The following EXD3 variants were observed in gnomAD, a reference collection of about 807,000 sequenced individuals.
EXD3 encodes the protein exonuclease mut-7 homolog.
A neutral mutation model predicts 98.0 loss-of-function variants in EXD3; 92 were observed. The observed-to-expected ratio is 0.94, with a 90% CI of 0.79 to 1.12. EXD3 has a LOEUF of 1.12. Ranked by LOEUF, EXD3 falls within the 50% of genes most tolerant of loss-of-function variation. The pLI, the probability that EXD3 is intolerant of heterozygous loss-of-function variation, is 0.00. For missense variants in EXD3, 1,222 were observed against 1,191.6 expected, an observed-to-expected ratio of 1.03 and a Z score of -0.38; for synonymous variants, 569 against 526.0, an observed-to-expected ratio of 1.08 and a Z score of -1.12.
Position 137,313,650 on chromosome 9 carries a change from C to T in EXD3, c.2185-3950G>A, listed in dbSNP as rs1225969777. ...GGGGGGTGTGGCAGGTGGGGTCCGT[C>T]GGGCTGGGGCCCTGGCCTGGGTGGA... On this transcript the variant is annotated intron_variant, in intron 19 of 21. Transcript: ENST00000340951. Among the ~76,000 whole-genome samples the T allele has an allele frequency of 2.0e-5, 3 of 152,112 alleles. No homozygotes were observed. The East Asian group carries it at 5.8e-4, about 29-fold the overall frequency.
At position 137,359,221 on chromosome 9, in the gene EXD3, G is replaced by A. The variant is rs1383320123; in HGVS notation, c.657-2853C>T. Among the ~76,000 whole-genome samples, 3 of 82,778 alleles carry A rather than the reference G, an allele frequency of 3.6e-5. 1 individual carries two copies. The highest frequency in any genetic ancestry group is 1.0e-4 in the African/African-American group (3 of 30,042). 54.3% of individuals were successfully genotyped at this position (82,778 alleles called of 152,430 possible). A position where few individuals can be genotyped will look rare whatever the true frequency, so the allele number is the denominator to read the frequency against. On this transcript the variant is annotated intron_variant, in intron 7 of 21. Coordinates refer to ENST00000340951, the MANE Select transcript of EXD3 (RefSeq NM_017820.5). Reference sequence around the variant, plus strand: ...CCTGACCTCATGATCTGCCTGCCTCGGCCTCCCAAAGTGCTGGGATTACAG... The same window carrying A: ...CCTGACCTCATGATCTGCCTGCCTCAGCCTCCCAAAGTGCTGGGATTACAG...
chr9:137,330,865 G>A (rs962092101), intron 17 of EXD3, among the ~76,000 whole-genome samples: 2 of 152,182 alleles, frequency 1.3e-5, no homozygotes, highest in Admixed American at 6.6e-5. Flanking sequence ...GGTCTGCCAT[G>A]CAACAAGTGG....
Position 137,388,855 on chromosome 9 carries a change from C to T in EXD3, c.56-5478G>A, listed in dbSNP as rs532527662. On this transcript the variant is annotated intron_variant, in intron 2 of 21. Coordinates refer to ENST00000340951, the MANE Select transcript of EXD3 (RefSeq NM_017820.5). ...GAGCCCGGCCGCCCAGACCAGACCC[C>T]ACGCGCTGTGGTGACCTGCATGTCC... Among the ~76,000 whole-genome samples, 467 of 152,322 alleles carry T rather than the reference C, an allele frequency of 3.1e-3. 2 individuals carry two copies. Among genetic ancestry groups the T allele is most frequent in the African/African-American group, 9.0e-3 (374 of 41,574 alleles).
chr9:137,310,419 A>C (rs1831298814), intron 19 of EXD3, among the ~76,000 whole-genome samples: 1 of 152,094 alleles, frequency 6.6e-6, no homozygotes. Context: ...CGTAGAGATG[A>C]GGTCTCACGA....
At chr9:137,345,221 CTTTCT>C (rs1833856397) in intron 17 of EXD3, among the ~76,000 whole-genome samples, 1 of 152,384 alleles carries the variant, frequency 6.6e-6, no homozygotes, top group African/African-American at 2.4e-5. Context: ...GCCCGGAATG[CTTTCT>C]TTCCTTTTCC....
In EXD3 at chr9:137,385,361, C is replaced by T. The variant is rs907816887; in HGVS notation, c.56-1984G>A. Among the ~76,000 whole-genome samples the T allele has an allele frequency of 6.6e-6, 1 of 151,944 alleles. No individual in the cohort carries two copies. The highest frequency in any genetic ancestry group is 1.5e-5 in the Non-Finnish European group (1 of 67,986). Reference sequence around the variant, plus strand: ...GGCCATGGCAGGCAGTGTGACTGGCCCCGCATTCTGGGTGCTGCATGCTGG... The same window carrying T: ...GGCCATGGCAGGCAGTGTGACTGGCTCCGCATTCTGGGTGCTGCATGCTGG... On this transcript the variant is annotated intron_variant, in intron 2 of 21. Transcript: ENST00000340951. This position sits in a 1 kb window ranked among gnomAD's most constrained non-coding sequence, Gnocchi z 4.4.
In EXD3 at chr9:137,398,990, G is replaced by A. The variant is rs151238161; in HGVS notation, c.-47-3586C>T. On this transcript the variant is annotated intron_variant, in intron 1 of 21. Coordinates refer to ENST00000340951, the MANE Select transcript of EXD3 (RefSeq NM_017820.5). ...GACACACAGGCAACCATGTCCCCGT[G>A]ACACGCGTCCAACATCCTCGTAACA... 6.4e-3 allele frequency among the ~76,000 whole-genome samples: 976 copies of A among 152,144 alleles called. 6 individuals are homozygous for A. The highest frequency in any genetic ancestry group is 0.031 in the Middle Eastern group (9 of 294).
At position 137,324,749 on chromosome 9, in the gene EXD3, G is replaced by C. The variant is rs1057016555; in HGVS notation, c.1999-606C>G. Among the ~76,000 whole-genome samples, 3 of 152,190 alleles carry C rather than the reference G, an allele frequency of 2.0e-5. No homozygotes were observed. The highest frequency in any genetic ancestry group is 7.2e-5 in the African/African-American group (3 of 41,444). On this transcript the variant is annotated intron_variant, in intron 17 of 21. Coordinates refer to ENST00000340951, the MANE Select transcript of EXD3 (RefSeq NM_017820.5). The surrounding 1 kb of genome is among the most constrained non-coding windows in gnomAD (Gnocchi z 4.1). ...GCTCTTTCGCCCAGGCCGGAGTGCA[G>C]TGGCGCTGTCTTGGCTCACTGCAAG... is the stretch of plus-strand genomic sequence containing the variant.
intron 8 of EXD3, among the ~76,000 whole-genome samples, 186 bp from the exon 9 acceptor site, chr9:137,354,959 G>T (rs1834543388): frequency 6.6e-6 from 1 of 152,186 alleles, no homozygotes. Flanking sequence ...TCAGCCTGGG[G>T]GTCCCGCCGG....
chr9:137,320,572 G>C (rs933615066), intron 19 of EXD3, among the ~76,000 whole-genome samples: 1 of 152,182 alleles, frequency 6.6e-6, no homozygotes, highest in Non-Finnish European at 1.5e-5. Flanking sequence ...GGAGCTGCCA[G>C]TAGCCAGCAA....
intron 10 of EXD3, chr9:137,353,492 C>T: frequency 1.0e-6 from 1 of 985,360 alleles, no homozygotes; most frequent in Non-Finnish European, 1.2e-6. Context: ...TATTGGGCAC[C>T]CATTCACCCA....
Position 137,395,828 on chromosome 9 carries a change from A to T in EXD3, c.-47-424T>A, listed in dbSNP as rs1196300162. Among the ~76,000 whole-genome samples, 2 of 152,196 alleles carry T rather than the reference A, an allele frequency of 1.3e-5. No individual in the cohort carries two copies. The highest frequency in any genetic ancestry group is 2.9e-5 in the Non-Finnish European group (2 of 68,006). On this transcript the variant is annotated intron_variant, in intron 1 of 21. Coordinates refer to ENST00000340951, the MANE Select transcript of EXD3 (RefSeq NM_017820.5). This position sits in a 1 kb window ranked among gnomAD's most constrained non-coding sequence, Gnocchi z 6.5. ...TCCTCCAGAGGGCAAGGGCGCCTGCAGGACCAGGGACCTCGGAGTGACGCC... is the reference window on the plus strand; with the variant it reads ...TCCTCCAGAGGGCAAGGGCGCCTGCTGGACCAGGGACCTCGGAGTGACGCC...
chr9:137,394,090 G>A (rs995832012), intron 2 of EXD3, among the ~76,000 whole-genome samples: 10 of 152,154 alleles, frequency 6.6e-5, no homozygotes, highest in African/African-American at 2.2e-4. Flanking sequence ...TCTGGCACTA[G>A]GCAGCTCCAC....
At chr9:137,355,563 G>GGAGGAAGGAGGAAGGAGGAA (rs1564508527) in intron 8 of EXD3, among the ~76,000 whole-genome samples, 1 of 4,050 alleles carries the variant, frequency 2.5e-4, no homozygotes, top group Admixed American at 2.7e-3. Context: ...GAAGGAGGAA[G>GGAGGAAGGAGGAAGGAGGAA]GGAGGATGGA....
At chr9:137,331,979 GCAA>G (rs1833087312) in intron 17 of EXD3, among the ~76,000 whole-genome samples, 2 of 151,934 alleles carry the variant, frequency 1.3e-5, no homozygotes, top group Admixed American at 6.6e-5. Flanking sequence ...CAATATCTGC[GCAA>G]CGACAACACA....
chr9:137,401,091 C>T (rs1236057625), intron 1 of EXD3, among the ~76,000 whole-genome samples: 1 of 151,794 alleles, frequency 6.6e-6, no homozygotes, highest in Admixed American at 6.6e-5. Flanking sequence ...TGGCCTGCTT[C>T]TCACAGTCCC....
intron 1 of EXD3, among the ~76,000 whole-genome samples, chr9:137,420,053 G>A (rs1312419985): frequency 3.3e-5 from 5 of 152,028 alleles, no homozygotes; most frequent in East Asian, 1.9e-4. Context: ...CCAGCTACTC[G>A]GGAGGCTGAG....
At chr9:137,411,684 C>A (rs988270578) in intron 1 of EXD3, among the ~76,000 whole-genome samples, 1 of 80,442 alleles carries the variant, frequency 1.2e-5, no homozygotes, top group Non-Finnish European at 2.5e-5. Context: ...GAGCGGCAGG[C>A]GGAGGCGGGG....
At chr9:137,333,620 C>T (rs567757680) in intron 17 of EXD3, among the ~76,000 whole-genome samples, 132 of 152,176 alleles carry the variant, frequency 8.7e-4, no homozygotes, top group African/African-American at 1.3e-3. Context: ...CTTGCCTGGT[C>T]GTTTAAAAGT....
Sources: allele counts gnomAD v4.1 joint callset (sites outside exome capture counted in the v4.1 genomes callset), GRCh38; gene constraint gnomAD v4.1.1; non-coding constraint Gnocchi (gnomAD v3.1); transcripts MANE v1.5; gene names NCBI Gene and HGNC (gene_info 2026-07-23, HGNC 2026-07-21).